The following RGS12 variants were observed in gnomAD, a reference collection of about 807,000 sequenced individuals.
RGS12 encodes regulator of G-protein signaling 12.
RGS12 carries 66 observed loss-of-function variants against 120.1 expected under a neutral mutation model. The ratio of observed to expected loss-of-function variants is 0.55; its 90% CI spans 0.45 to 0.67. The LOEUF (loss-of-function observed/expected upper bound fraction) is 0.67, where lower values mean the gene tolerates loss of function less well. RGS12 is among the 30% of genes least tolerant of loss of function. RGS12 has a pLI of 0.00. For synonymous variants in RGS12, 827 were observed against 804.7 expected (o/e 1.03, Z -0.47); for missense variants, 1,859 against 1,957.7 (o/e 0.95, Z 0.95).
At chr4:3,362,358 GGTGT>G (rs1468390699) in intron 3 of RGS12, among the ~76,000 whole-genome samples, 3 of 152,030 alleles carry the variant, frequency 2.0e-5, no homozygotes, top group East Asian at 1.9e-4. Flanking sequence ...TGCGTGTGAG[GGTGT>G]GTGTGAGGGT....
intron 4 of RGS12, among the ~76,000 whole-genome samples, chr4:3,398,341 G>T (rs1230299803): frequency 6.6e-6 from 1 of 152,144 alleles, no homozygotes; most frequent in African/African-American, 2.4e-5. Context: ...GTTGAACCAG[G>T]CACGGTGGTG....
At chr4:3,349,118 A>G (rs1018515221) in intron 3 of RGS12, among the ~76,000 whole-genome samples, 2 of 152,190 alleles carry the variant, frequency 1.3e-5, no homozygotes, top group Admixed American at 6.5e-5. Flanking sequence ...ATAAGCGACC[A>G]CGTTTTTTGC....
At chr4:3,309,078 CGGG>C (rs1724143131) in intron 1 of RGS12, among the ~76,000 whole-genome samples, 5 of 117,372 alleles carry the variant, frequency 4.3e-5, no homozygotes. Context: ...AGCTGGGACT[CGGG>C]AATGGCAGGT....
chr4:3,346,564 G>A (rs750807627), intron 3 of RGS12, among the ~76,000 whole-genome samples: 6 of 152,132 alleles, frequency 3.9e-5, no homozygotes, highest in Non-Finnish European at 8.8e-5. Flanking sequence ...CAGCTTATAG[G>A]GCTTCAGGAA....
intron 3 of RGS12, among the ~76,000 whole-genome samples, chr4:3,356,681 A>T (rs1046975449): frequency 6.6e-6 from 1 of 152,150 alleles, no homozygotes; most frequent in African/African-American, 2.4e-5. Context: ...TTCACTTGGC[A>T]TAATGTTCTG....
At chr4:3,367,897 G>A (rs1218304461) in intron 3 of RGS12, among the ~76,000 whole-genome samples, 4 of 151,774 alleles carry the variant, frequency 2.6e-5, no homozygotes, top group African/African-American at 9.6e-5. Flanking sequence ...ACCCCTAGCA[G>A]CCTGGGCTGC....
intron 2 of RGS12, among the ~76,000 whole-genome samples, chr4:3,318,507 G>A (rs937303349): frequency 5.3e-5 from 8 of 152,312 alleles, no homozygotes; most frequent in Middle Eastern, 3.4e-3. Flanking sequence ...CTGGTTCCTC[G>A]TGCTGTTTCC....
intron 4 of RGS12, among the ~76,000 whole-genome samples, chr4:3,397,156 T>G (rs1720123148): frequency 6.6e-6 from 1 of 152,040 alleles, no homozygotes; most frequent in Admixed American, 6.5e-5. Context: ...CGAAAGAAGG[T>G]GAGGGAGCAG....
rs372502163 is a variant in RGS12 at position 3,396,662 on chromosome 4, C to T, written c.2020+10225C>T. Among the ~76,000 whole-genome samples, 27 of 152,284 alleles carry T rather than the reference C, an allele frequency of 1.8e-4. No homozygotes were observed. In the East Asian group the frequency reaches 4.6e-3, roughly 26 times the overall value. ...GATCAGGACTTCATGTCGTAATTCTCGTCCCTGGCATTTGGATATCTAGTG... is the reference window on the plus strand; with the variant it reads ...GATCAGGACTTCATGTCGTAATTCTTGTCCCTGGCATTTGGATATCTAGTG... On this transcript the variant is annotated intron_variant, in intron 4 of 17. Coordinates refer to ENST00000336727, the MANE Select transcript of RGS12 (RefSeq NM_001394154.1).
At chr4:3,387,834 G>A (rs1341628953) in intron 4 of RGS12, among the ~76,000 whole-genome samples, 1 of 152,188 alleles carries the variant, frequency 6.6e-6, no homozygotes, top group Non-Finnish European at 1.5e-5. Flanking sequence ...TGCCTAATAT[G>A]TTTAGTTTCA....
chr4:3,426,278 A>G (rs113642133), intron 14 of RGS12, among the ~76,000 whole-genome samples: 61 of 6,994 alleles, frequency 8.7e-3, no homozygotes, highest in African/African-American at 0.013. Flanking sequence ...CATAGGGGAG[A>G]GGGCGAGCGG....
chr4:3,428,400 T>A, intron 15 of RGS12, 158 bp from the exon 16 acceptor site: 1 of 781,108 alleles, frequency 1.3e-6, no homozygotes, highest in Non-Finnish European at 2.1e-6. Context: ...ATGCTATTCT[T>A]GTTTGTAATC....
intron 1 of RGS12, among the ~76,000 whole-genome samples, chr4:3,304,657 C>T (rs968707966): frequency 6.6e-6 from 1 of 152,232 alleles, no homozygotes; most frequent in Non-Finnish European, 1.5e-5. Flanking sequence ...TTTCCCCATT[C>T]TGTAGAGTTT....
At chr4:3,342,007 T>G (rs111457016) in intron 2 of RGS12, among the ~76,000 whole-genome samples, 11,464 of 150,322 alleles carry the variant, frequency 0.076, 798 homozygotes, top group African/African-American at 0.19. Flanking sequence ...AGCGTGGTGG[T>G]CAAGGAGAGG....
At chr4:3,380,485 C>T (rs1240044537) in intron 3 of RGS12, among the ~76,000 whole-genome samples, 1 of 152,230 alleles carries the variant, frequency 6.6e-6, no homozygotes, top group Non-Finnish European at 1.5e-5. Flanking sequence ...CCACATTTCC[C>T]TTTCACACTG....
Position 3,293,812 on chromosome 4 carries a change from C to CTGTGGAGTGTAGA in RGS12, c.-102+713_-102+714insTGTGGAGTGTAGA, listed in dbSNP as rs1345420175. ...GTGTGGACAGAGAGGGGGCCCAGAG[C>CTGTGGAGTGTAGA]CGTGGAGTGTAGACCGAGAGGGGGC... On this transcript the variant is annotated intron_variant, in intron 1 of 17. Coordinates refer to ENST00000336727, the MANE Select transcript of RGS12 (RefSeq NM_001394154.1). Among the ~76,000 whole-genome samples the CTGTGGAGTGTAGA allele has an allele frequency of 7.4e-3, 1,099 of 149,518 alleles. 19 individuals are homozygous for CTGTGGAGTGTAGA. The highest frequency in any genetic ancestry group is 0.028 in the Middle Eastern group (8 of 284).
intron 2 of RGS12, among the ~76,000 whole-genome samples, chr4:3,341,059 C>T (rs993191580): frequency 1.3e-5 from 2 of 150,978 alleles, no homozygotes; most frequent in African/African-American, 2.4e-5. Context: ...CCAGTGGTGG[C>T]GTCCCTCCCC....
At chr4:3,387,739 A>C (rs148849221) in intron 4 of RGS12, among the ~76,000 whole-genome samples, 415 of 152,334 alleles carry the variant, frequency 2.7e-3, no homozygotes, top group African/African-American at 9.4e-3. Context: ...TGATCTGTTC[A>C]TGCTTTCTCT....
At chr4:3,290,512 C>T (rs1722983485), upstream of RGS12, among the ~76,000 whole-genome samples, 1 of 152,258 alleles carries the variant, frequency 6.6e-6, no homozygotes. Context: ...ATAGTGTCCT[C>T]AAGGGTCATC....
Sources: allele counts gnomAD v4.1 joint callset (sites outside exome capture counted in the v4.1 genomes callset), GRCh38; gene constraint gnomAD v4.1.1; transcripts MANE v1.5; gene names NCBI Gene and HGNC (gene_info 2026-07-23, HGNC 2026-07-21).